MYT1L: variants seen among roughly 807,000 people sequenced by gnomAD.
MYT1L encodes myelin transcription factor 1 like.
Under a neutral mutation model 126.7 loss-of-function variants are expected in MYT1L, and 12 were observed. The observed-to-expected ratio is 0.09, with a 90% CI of 0.06 to 0.15. The LOEUF is 0.15. Among genes scored for constraint, MYT1L ranks in the 10% least tolerant of loss-of-function variants. The pLI is 1.00. For missense variants in MYT1L, 979 were observed against 1,585.2 expected, an observed-to-expected ratio of 0.62 and a Z score of 6.49; for synonymous variants, 541 against 604.2, an observed-to-expected ratio of 0.90 and a Z score of 1.53.
chr2:1,939,122 G>A (rs956562983), intron 9 of MYT1L, among the ~76,000 whole-genome samples: 3 of 152,314 alleles, frequency 2.0e-5, no homozygotes, highest in Non-Finnish European at 4.4e-5. Context: ...CCGTCACGAC[G>A]CCCTGGTTTC....
At chr2:2,128,121 G>T (rs1349025513) in intron 3 of MYT1L, among the ~76,000 whole-genome samples, 1 of 152,128 alleles carries the variant, frequency 6.6e-6, no homozygotes, top group Admixed American at 6.6e-5. Context: ...AAGGTCACCA[G>T]CTCTGAGATC....
chr2:1,870,031 G>A (rs988373959), intron 18 of MYT1L, among the ~76,000 whole-genome samples: 2 of 152,018 alleles, frequency 1.3e-5, no homozygotes, highest in East Asian at 1.9e-4. Context: ...GTTGTCAGAC[G>A]ATTTTTCAGA....
intron 3 of MYT1L, among the ~76,000 whole-genome samples, chr2:2,100,726 T>C (rs1045028859): frequency 3.3e-5 from 5 of 152,196 alleles, no homozygotes; most frequent in African/African-American, 1.2e-4. Context: ...CCCTGGGTAA[T>C]GGTGAGACAT....
intron 4 of MYT1L, among the ~76,000 whole-genome samples, chr2:2,010,904 C>A (rs1236384637): frequency 6.6e-6 from 1 of 152,150 alleles, no homozygotes; most frequent in Non-Finnish European, 1.5e-5. Context: ...GGTGCCGGGG[C>A]TAGTCAAAGG....
chr2:1,911,707 C>T (rs1019862282), intron 12 of MYT1L, among the ~76,000 whole-genome samples: 5 of 152,188 alleles, frequency 3.3e-5, no homozygotes, highest in African/African-American at 1.2e-4. Context: ...CCAATGAACA[C>T]TAGGACAGCC....
chr2:2,036,685 A>T (rs924296073), intron 4 of MYT1L, among the ~76,000 whole-genome samples: 3 of 152,180 alleles, frequency 2.0e-5, no homozygotes, highest in Non-Finnish European at 4.4e-5. Context: ...CAATGCAATG[A>T]TCATAGTCTG....
intron 21 of MYT1L, among the ~76,000 whole-genome samples, chr2:1,830,046 C>G (rs1483733214): frequency 6.6e-6 from 1 of 152,176 alleles, no homozygotes; most frequent in Non-Finnish European, 1.5e-5. Flanking sequence ...CAAAGGTCCC[C>G]ACGCACAGAC....
chr2:2,109,795 C>T (rs1300655157), intron 3 of MYT1L, among the ~76,000 whole-genome samples: 2 of 148,874 alleles, frequency 1.3e-5, no homozygotes, highest in African/African-American at 5.0e-5. Flanking sequence ...CTCACACACA[C>T]ATGCACATGC....
chr2:2,217,957 AC>A (rs2093740950), intron 2 of MYT1L, among the ~76,000 whole-genome samples: 2 of 152,188 alleles, frequency 1.3e-5, no homozygotes. Flanking sequence ...TAGGAAATAA[AC>A]ACATGAAAAG....
At chr2:2,282,147 C>T (rs962844458) in intron 2 of MYT1L, among the ~76,000 whole-genome samples, 1 of 152,070 alleles carries the variant, frequency 6.6e-6, no homozygotes, top group African/African-American at 2.4e-5. Flanking sequence ...TCAATATAAG[C>T]GTGGATTCTG....
At chr2:1,890,196 A>G (rs1210962941) in intron 15 of MYT1L, among the ~76,000 whole-genome samples, 2 of 151,950 alleles carry the variant, frequency 1.3e-5, no homozygotes, top group Admixed American at 6.6e-5. Flanking sequence ...CAGCTTCCCA[A>G]GTAGCTGGGA....
intron 5 of MYT1L, among the ~76,000 whole-genome samples, chr2:1,983,682 C>T (rs2060782132): frequency 6.6e-6 from 1 of 152,214 alleles, no homozygotes; most frequent in Admixed American, 6.5e-5. Context: ...CCACTGGCGA[C>T]TGTCATTGGC....
chr2:2,105,817 A>G (rs1057019155), intron 3 of MYT1L, among the ~76,000 whole-genome samples: 1 of 152,196 alleles, frequency 6.6e-6, no homozygotes, highest in Admixed American at 6.5e-5. Context: ...ACCTTATGAA[A>G]CAGCATGGAA....
At chr2:2,064,909 A>C (rs2071023319) in intron 3 of MYT1L, among the ~76,000 whole-genome samples, 1 of 152,228 alleles carries the variant, frequency 6.6e-6, no homozygotes, top group South Asian at 2.1e-4. Context: ...AAATGAGTGT[A>C]TGACCAGGTA....
intron 19 of MYT1L, among the ~76,000 whole-genome samples, chr2:1,843,613 C>A (rs888722252): frequency 6.6e-6 from 1 of 150,982 alleles, no homozygotes; most frequent in African/African-American, 2.4e-5. Flanking sequence ...GGTGTCCTTC[C>A]TAGGGAGAAT....
At chr2:1,946,519 C>T (rs2057241720) in intron 8 of MYT1L, among the ~76,000 whole-genome samples, 1 of 151,986 alleles carries the variant, frequency 6.6e-6, no homozygotes, top group South Asian at 2.1e-4. Flanking sequence ...CTCAGGGAGT[C>T]CCTTCATCAA....
intron 23 of MYT1L, among the ~76,000 whole-genome samples, chr2:1,800,850 C>G (rs1002338852): frequency 6.6e-6 from 1 of 151,942 alleles, no homozygotes; most frequent in Non-Finnish European, 1.5e-5. Flanking sequence ...GGTCAGCATC[C>G]CCCGAGAACC....
chr2:2,234,934 A>G (rs2094250403), intron 2 of MYT1L, among the ~76,000 whole-genome samples: 1 of 152,148 alleles, frequency 6.6e-6, no homozygotes, highest in East Asian at 1.9e-4. Context: ...CCCAGCCTCC[A>G]GCTCCCCTTG....
At chr2:2,191,385 C>CAGAACCATATCCATT (rs1421420014) in intron 2 of MYT1L, among the ~76,000 whole-genome samples, 1 of 152,172 alleles carries the variant, frequency 6.6e-6, no homozygotes, top group Non-Finnish European at 1.5e-5. Flanking sequence ...GGGAAAATGT[C>CAGAACCATATCCATT]AGAACCATAT....
Sources: allele counts gnomAD v4.1 joint callset (sites outside exome capture counted in the v4.1 genomes callset), GRCh38; gene constraint gnomAD v4.1.1; transcripts MANE v1.5; gene names NCBI Gene and HGNC (gene_info 2026-07-23, HGNC 2026-07-21).